Variants in EIF4E observed in about 807,000 individuals in gnomAD.
EIF4E encodes the protein eukaryotic translation initiation factor 4E.
For synonymous variants in EIF4E, 71 were observed against 88.5 expected, an observed-to-expected ratio of 0.80 and a Z score of 1.11; for missense variants, 113 against 265.6, an observed-to-expected ratio of 0.43 and a Z score of 3.99.
At chr4:98,881,961 T>C (rs1233453656) in intron 6 of EIF4E, among the ~76,000 whole-genome samples, 1 of 152,176 alleles carries the variant, frequency 6.6e-6, no homozygotes, top group African/African-American at 2.4e-5. Context: ...AGGATAATGT[T>C]AAGAGAATGA....
Position 98,879,982 on chromosome 4 carries a change from AAT to A in EIF4E, c.*1044_*1045del, listed in dbSNP as rs1430936281. 1 of 152,508 alleles carries A rather than the reference AAT, an allele frequency of 6.6e-6. No homozygotes were observed. Among genetic ancestry groups the A allele is most frequent in the Non-Finnish European group, 1.5e-5 (1 of 68,008 alleles). 9.4% of individuals were successfully genotyped at this position (152,508 alleles called of 1,614,324 possible). The stretch of plus-strand genomic sequence containing the variant: ...TGGAAGACACCACAAAAGAAGACAT[AAT>A]ATAGAGACTGCCTTGCAATAAGAAG... On this transcript the variant is annotated 3_prime_UTR_variant, in exon 7 of 7. Coordinates refer to ENST00000450253, the MANE Select transcript of EIF4E (RefSeq NM_001968.5).
At chr4:98,888,100 G>A in intron 3 of EIF4E, 148 bp from the exon 4 acceptor site, 2 of 699,170 alleles carry the variant, frequency 2.9e-6, no homozygotes, top group Admixed American at 3.1e-5. Context: ...TTCTAAAATG[G>A]ACAAAACAGA....
intron 1 of EIF4E, among the ~76,000 whole-genome samples, chr4:98,905,265 C>T (rs1294295320): frequency 6.6e-6 from 1 of 151,134 alleles, no homozygotes; most frequent in East Asian, 1.9e-4. Context: ...ATTAAATGAC[C>T]AGTATTTCTA....
At chr4:98,893,976 C>A (rs183508064) in intron 2 of EIF4E, among the ~76,000 whole-genome samples, 3 of 152,322 alleles carry the variant, frequency 2.0e-5, no homozygotes. Flanking sequence ...GCAGAAAGTA[C>A]ACTGTGTTAA....
At chr4:98,886,533 G>A (rs886684806) in intron 5 of EIF4E, 23 of 425,438 alleles carry the variant, frequency 5.4e-5, no homozygotes, top group Non-Finnish European at 9.4e-5. Context: ...GGGCAACATA[G>A]CAAGATCCCA....
At chr4:98,916,590 G>T (rs994030646) in intron 1 of EIF4E, among the ~76,000 whole-genome samples, 2 of 152,172 alleles carry the variant, frequency 1.3e-5, no homozygotes, top group East Asian at 3.9e-4. Flanking sequence ...ACAAGAAAAA[G>T]AATCTACAAA....
intron 1 of EIF4E, among the ~76,000 whole-genome samples, chr4:98,926,886 C>T (rs559994486): frequency 2.6e-5 from 4 of 152,216 alleles, no homozygotes; most frequent in Non-Finnish European, 5.9e-5. Flanking sequence ...TTTGCAGTTC[C>T]GCTCTGTGCT....
chr4:98,912,587 A>G (rs563511247), intron 1 of EIF4E, among the ~76,000 whole-genome samples: 5 of 134,696 alleles, frequency 3.7e-5, no homozygotes, highest in African/African-American at 5.1e-5. Flanking sequence ...AAAAAACCAC[A>G]AAGAAAAGAA....
chr4:98,919,678 C>T (rs1386434072), intron 1 of EIF4E, among the ~76,000 whole-genome samples: 3 of 151,566 alleles, frequency 2.0e-5, no homozygotes, highest in African/African-American at 7.3e-5. Flanking sequence ...CCTGTCTCAG[C>T]CTCCCGAGTA....
At chr4:98,894,422 C>T (rs1200052930) in intron 2 of EIF4E, among the ~76,000 whole-genome samples, 1 of 152,254 alleles carries the variant, frequency 6.6e-6, no homozygotes, top group Non-Finnish European at 1.5e-5. Flanking sequence ...AAACTTCCTT[C>T]ATCAATTACC....
chr4:98,914,214 G>A (rs1171648298), intron 1 of EIF4E, among the ~76,000 whole-genome samples: 1 of 151,536 alleles, frequency 6.6e-6, no homozygotes, highest in East Asian at 1.9e-4. Context: ...AAATTAGCCA[G>A]GCGTGGTGGC....
intron 1 of EIF4E, among the ~76,000 whole-genome samples, chr4:98,927,052 G>T (rs990888239): frequency 6.6e-6 from 1 of 152,186 alleles, no homozygotes; most frequent in East Asian, 1.9e-4. Context: ...TAGTGGGGTA[G>T]GAACAGATCT....
chr4:98,916,376 T>C (rs894062447), intron 1 of EIF4E, among the ~76,000 whole-genome samples: 1 of 149,486 alleles, frequency 6.7e-6, no homozygotes, highest in Non-Finnish European at 1.5e-5. Flanking sequence ...AAAATGAAGG[T>C]TGAAAAATAA....
intron 2 of EIF4E, among the ~76,000 whole-genome samples, chr4:98,898,071 C>G (rs1448947221): frequency 6.6e-6 from 1 of 152,026 alleles, no homozygotes; most frequent in Non-Finnish European, 1.5e-5. Context: ...TGCAACTAGC[C>G]TCTAAGAAAC....
chr4:98,884,925 A>G lies in EIF4E; in HGVS notation c.536T>C (p.Ile179Thr), dbSNP rs1284726660. 6.2e-7 allele frequency: 1 copy of G among 1,612,424 alleles called. No homozygotes were observed. Among genetic ancestry groups the G allele is most frequent in the Non-Finnish European group, 8.5e-7 (1 of 1,179,802 alleles). ...ECENREAVTH[I>T]GRVYKERLGL... ...GTAGGCAAAGAGCAAAACTTACCCT[A>G]TATGTGTAACAGCTTCTCTGTTTTC... Residue 179 changes from isoleucine to threonine, a missense_variant, in exon 6 of 7, where the codon ATA (isoleucine) becomes ACA (threonine). Coordinates refer to ENST00000450253, the MANE Select transcript of EIF4E (RefSeq NM_001968.5).
chr4:98,891,577 T>C (rs1305066857), intron 2 of EIF4E: 5 of 501,584 alleles, frequency 1.0e-5, no homozygotes, highest in Non-Finnish European at 1.8e-5. Context: ...AAAAGACAAA[T>C]ACTGTATGAT....
At chr4:98,889,311 C>T (rs1724053234) in intron 3 of EIF4E, among the ~76,000 whole-genome samples, 1 of 152,156 alleles carries the variant, frequency 6.6e-6, no homozygotes, top group Admixed American at 6.5e-5. Flanking sequence ...TCATCAATGA[C>T]AGCCTCCACT....
intron 1 of EIF4E, among the ~76,000 whole-genome samples, chr4:98,911,210 G>A (rs144593117): frequency 0.046 from 6,876 of 150,750 alleles, 499 homozygotes; most frequent in African/African-American, 0.16. Flanking sequence ...CACCACGCCC[G>A]GCTAATTTTT....
At position 98,900,634 on chromosome 4, in the gene EIF4E, C is replaced by T. The variant is rs142165760; in HGVS notation, c.125+1242G>A. ...AACCTCAGAAGTTAATTCCAATTTA[C>T]TTTCCTCTAGATTGTTACAATGTTT... is the stretch of plus-strand genomic sequence containing the variant. On this transcript the variant is annotated intron_variant, in intron 2 of 6. Transcript: ENST00000450253. Among the ~76,000 whole-genome samples the T allele has an allele frequency of 2.5e-3, 374 of 152,274 alleles. 2 individuals carry two copies. Among genetic ancestry groups the T allele is most frequent in the African/African-American group, 7.4e-3 (308 of 41,566 alleles).
Sources: allele counts gnomAD v4.1 joint callset (sites outside exome capture counted in the v4.1 genomes callset), GRCh38; gene constraint gnomAD v4.1.1; transcripts MANE v1.5; gene names NCBI Gene and HGNC (gene_info 2026-07-23, HGNC 2026-07-21).